SCAPER: variants seen among roughly 807,000 people sequenced by gnomAD.
SCAPER encodes the protein S-phase cyclin A associated protein in the ER.
In SCAPER, 98 loss-of-function variants were observed where a neutral mutation model predicts 182.2. The ratio of observed to expected loss-of-function variants is 0.54; its 90% confidence interval spans 0.46 to 0.64. The LOEUF is 0.64. SCAPER is among the 30% of genes least tolerant of loss of function. The pLI, the probability that SCAPER is intolerant of heterozygous loss-of-function variation, is 0.00. For synonymous variants in SCAPER, 605 were observed against 564.6 expected (o/e 1.07, Z -1.01); for missense variants, 1,432 against 1,690.0 (o/e 0.85, Z 2.68).
chr15:76,867,940 C>G (rs2072415260), intron 2 of SCAPER, among the ~76,000 whole-genome samples: 1 of 151,864 alleles, frequency 6.6e-6, no homozygotes, highest in South Asian at 2.1e-4. Flanking sequence ...TTTTTTAAGT[C>G]TCCTGCATCA....
intron 24 of SCAPER, among the ~76,000 whole-genome samples, chr15:76,486,026 T>C (rs369071523): frequency 3.3e-5 from 5 of 152,090 alleles, no homozygotes; most frequent in African/African-American, 9.6e-5. Context: ...GCTAACATGG[T>C]GAAACCCCGT....
At position 76,453,635 on chromosome 15, in the gene SCAPER, G is replaced by T. The variant is rs556905928; in HGVS notation, c.3078+17577C>A. ...GTGCATAACTGATACTGTTTACTTT[G>T]ATCATTTGGTAAGGTGGTGTGTGCC... is the stretch of plus-strand genomic sequence containing the variant. On this transcript the variant is annotated intron_variant, in intron 25 of 31. Transcript: ENST00000563290. 2.0e-5 allele frequency among the ~76,000 whole-genome samples: 3 copies of T among 152,240 alleles called. No individual in the cohort carries two copies. In the East Asian group the frequency reaches 5.8e-4, roughly 29 times the overall value.
At chr15:76,356,667 C>A (rs2040980742) in intron 29 of SCAPER, among the ~76,000 whole-genome samples, 1 of 152,212 alleles carries the variant, frequency 6.6e-6, no homozygotes, top group South Asian at 2.1e-4. Context: ...GCCCATAAGT[C>A]CTAAGGCAGG....
At chr15:76,480,206 G>A (rs557012394) in intron 24 of SCAPER, among the ~76,000 whole-genome samples, 1 of 152,332 alleles carries the variant, frequency 6.6e-6, no homozygotes, top group East Asian at 1.9e-4. Context: ...CAATGCATAT[G>A]TAATTTACTG....
At chr15:76,767,198 TC>T (rs895476525) in intron 10 of SCAPER, 110 bp from the exon 11 acceptor site, 47 of 1,047,862 alleles carry the variant, frequency 4.5e-5, no homozygotes, top group Admixed American at 2.5e-4. Flanking sequence ...ATTGTATTGA[TC>T]TAGAATCATA....
At chr15:76,757,917 T>A (rs927294292) in intron 14 of SCAPER, among the ~76,000 whole-genome samples, 2 of 152,198 alleles carry the variant, frequency 1.3e-5, no homozygotes, top group Admixed American at 1.3e-4. Flanking sequence ...TTGAGAAGTG[T>A]CTCTTTAAGT....
At chr15:76,423,362 C>A (rs1425617838) in intron 26 of SCAPER, among the ~76,000 whole-genome samples, 1 of 152,128 alleles carries the variant, frequency 6.6e-6, no homozygotes, top group Non-Finnish European at 1.5e-5. Flanking sequence ...CTGTATGTGT[C>A]CAGGAATTTA....
rs777770471 is a variant in SCAPER, at chr15:76,726,457, C to CA, written c.2165+2137dup. Reference sequence around the variant, plus strand: ...CTATGAAAAACAGTAGGGTTCTCTTCAAAAAAAAACCAATAAAATTAGTAT... The same window carrying CA: ...CTATGAAAAACAGTAGGGTTCTCTTCAAAAAAAAAACCAATAAAATTAGTAT... On this transcript the variant is annotated intron_variant, in intron 17 of 31. Transcript: ENST00000563290. Among the ~76,000 whole-genome samples the CA allele has an allele frequency of 1.6e-3, 244 of 149,356 alleles. 1 individual carries two copies. Among genetic ancestry groups the CA allele is most frequent in the East Asian group, 4.1e-3 (21 of 5,062 alleles).
intron 23 of SCAPER, among the ~76,000 whole-genome samples, chr15:76,562,593 G>A (rs1378745084): frequency 6.6e-6 from 1 of 152,098 alleles, no homozygotes; most frequent in Non-Finnish European, 1.5e-5. Flanking sequence ...ACCTACAAAA[G>A]TAGCAAAAAT....
In SCAPER at chr15:76,737,392, G is replaced by A. The variant is rs189764331; in HGVS notation, c.1867-4008C>T. ...AATTTTGAAGAGTCTTCTTTTCTGA[G>A]GTGGAGGTCTCAACAGTGGATTTAA... On this transcript the variant is annotated intron_variant, in intron 15 of 31. Transcript: ENST00000563290. Among the ~76,000 whole-genome samples the A allele has an allele frequency of 1.2e-3, 176 of 152,278 alleles. 2 individuals are homozygous for A. The highest frequency in any genetic ancestry group is 4.0e-3 in the African/African-American group (167 of 41,550).
chr15:76,716,409 A>C (rs1174886349), intron 17 of SCAPER, among the ~76,000 whole-genome samples: 1 of 152,166 alleles, frequency 6.6e-6, no homozygotes, highest in Non-Finnish European at 1.5e-5. Context: ...TGAAAAAGCA[A>C]GGAAATATGA....
In SCAPER at chr15:76,778,099, G is replaced by A. The variant is rs1350186473; in HGVS notation, c.773-2982C>T. Among the ~76,000 whole-genome samples the A allele has an allele frequency of 2.6e-5, 4 of 152,124 alleles. No individual in the cohort carries two copies. The East Asian group carries it at 7.7e-4, about 29-fold the overall frequency. On this transcript the variant is annotated intron_variant, in intron 8 of 31. Coordinates refer to ENST00000563290, the MANE Select transcript of SCAPER (RefSeq NM_020843.4). Reference sequence around the variant, plus strand: ...ATATAGTTTCTATTGAATGCATATTGCTATCACAGCATCATAAAGTTGAAA... The same window carrying A: ...ATATAGTTTCTATTGAATGCATATTACTATCACAGCATCATAAAGTTGAAA...
intron 23 of SCAPER, among the ~76,000 whole-genome samples, chr15:76,532,177 A>G (rs904682242): frequency 1.3e-5 from 2 of 152,158 alleles, no homozygotes; most frequent in African/African-American, 2.4e-5. Context: ...TCATTCCCCA[A>G]GGCACACATC....
chr15:76,684,223 AC>A (rs1249744942), intron 20 of SCAPER, among the ~76,000 whole-genome samples: 1 of 152,126 alleles, frequency 6.6e-6, no homozygotes, highest in East Asian at 1.9e-4. Flanking sequence ...ACGAATATTA[AC>A]TCTGAATGGT....
At chr15:76,670,886 A>C (rs1425016815) in intron 20 of SCAPER, among the ~76,000 whole-genome samples, 1 of 152,198 alleles carries the variant, frequency 6.6e-6, no homozygotes, top group Non-Finnish European at 1.5e-5. Flanking sequence ...AAGAGTAAAA[A>C]TCATCTATCT....
chr15:76,848,756 T>C (rs1181118032), intron 4 of SCAPER, among the ~76,000 whole-genome samples: 2 of 152,228 alleles, frequency 1.3e-5, no homozygotes, highest in African/African-American at 4.8e-5. Context: ...AAATATAAAA[T>C]GTACTTTAAA....
At chr15:76,800,575 A>C (rs1309887551) in intron 6 of SCAPER, among the ~76,000 whole-genome samples, 5 of 152,246 alleles carry the variant, frequency 3.3e-5, no homozygotes, top group African/African-American at 4.8e-5. Context: ...TAAACGGTTC[A>C]GGATTTTCTA....
intron 15 of SCAPER, among the ~76,000 whole-genome samples, chr15:76,735,376 T>G (rs910631707): frequency 3.3e-4 from 50 of 151,988 alleles, no homozygotes; most frequent in African/African-American, 1.2e-3. Flanking sequence ...CTGTCTCATT[T>G]AAAAGAACAG....
Position 76,599,874 on chromosome 15 carries a change from T to C in SCAPER, c.2711+21890A>G. Reference sequence around the variant, plus strand: ...TGCATTTGTCAAAATTTATCAAATGTCACCCTTAAGATCTGCGCATTTTGT... The same window carrying C: ...TGCATTTGTCAAAATTTATCAAATGCCACCCTTAAGATCTGCGCATTTTGT... On this transcript the variant is annotated intron_variant, in intron 22 of 31. Coordinates refer to ENST00000563290, the MANE Select transcript of SCAPER (RefSeq NM_020843.4). Among the ~76,000 whole-genome samples the C allele has an allele frequency of 1.6e-5, 2 of 121,812 alleles. 1 individual carries two copies. The highest frequency in any genetic ancestry group is 4.0e-5 in the Non-Finnish European group (2 of 50,146). 79.9% of individuals were successfully genotyped at this position (121,812 alleles called of 152,430 possible). A position where few individuals can be genotyped will look rare whatever the true frequency, so the allele number is the denominator to read the frequency against.
Sources: gnomAD v4.1 joint callset for allele counts (sites outside exome capture counted in the v4.1 genomes callset) on GRCh38, gnomAD v4.1.1 for gene constraint, MANE v1.5 for transcripts, NCBI Gene and HGNC (gene_info 2026-07-23, HGNC 2026-07-21) for gene names.